PTPRK: variants seen among roughly 807,000 people sequenced by gnomAD.
PTPRK encodes the protein protein tyrosine phosphatase receptor type K, also known as receptor-type tyrosine-protein phosphatase kappa.
A neutral mutation model predicts 178.0 loss-of-function variants in PTPRK; 75 were observed. The ratio of observed to expected loss-of-function variants is 0.42; its 90% CI spans 0.35 to 0.51. PTPRK has a LOEUF of 0.51. Among genes scored for constraint, PTPRK ranks in the 20% least tolerant of loss-of-function variants. The pLI, the probability that PTPRK is intolerant of heterozygous loss-of-function variation, is 0.02. For missense variants in PTPRK, 1,441 were observed against 1,797.8 expected (o/e 0.80, Z 3.59); for synonymous variants, 637 against 620.6 (o/e 1.03, Z -0.39).
intron 1 of PTPRK, among the ~76,000 whole-genome samples, chr6:128,430,837 G>C (rs1421214700): frequency 2.0e-5 from 3 of 152,122 alleles, no homozygotes; most frequent in African/African-American, 7.2e-5. Context: ...GAGAAACCTG[G>C]AGACGTGAAC....
intron 11 of PTPRK, 125 bp from the exon 12 acceptor site, chr6:128,067,917 C>T (rs888948537): frequency 1.1e-6 from 1 of 926,134 alleles, no homozygotes; most frequent in Non-Finnish European, 1.5e-6. Context: ...TAAAGTTAGT[C>T]TTAACCTGGT....
At chr6:128,407,289 G>C (rs1334897278) in intron 1 of PTPRK, among the ~76,000 whole-genome samples, 1 of 152,120 alleles carries the variant, frequency 6.6e-6, no homozygotes, top group Non-Finnish European at 1.5e-5. Flanking sequence ...TGGTTCCTAA[G>C]AACAGTACAT....
At chr6:128,004,319 T>TA (rs1344047488) in intron 15 of PTPRK, among the ~76,000 whole-genome samples, 2 of 151,786 alleles carry the variant, frequency 1.3e-5, no homozygotes, top group Non-Finnish European at 2.9e-5. Context: ...TTAATTAACT[T>TA]AAACAGATGC....
intron 6 of PTPRK, among the ~76,000 whole-genome samples, chr6:128,207,816 T>C (rs1308260416): frequency 6.6e-6 from 1 of 152,130 alleles, no homozygotes; most frequent in Non-Finnish European, 1.5e-5. Context: ...CACCCATTTT[T>C]CCCCTTTTCA....
In PTPRK at chr6:127,984,852, G is replaced by GT. The variant is rs530387263; in HGVS notation, c.3251+868dup. Among the ~76,000 whole-genome samples the GT allele has an allele frequency of 3.6e-3, 550 of 152,058 alleles. 2 individuals carry two copies. Among genetic ancestry groups the GT allele is most frequent in the African/African-American group, 0.012 (484 of 41,500 alleles). The stretch of plus-strand genomic sequence containing the variant: ...ATTTCATGAGGAGGATTGAAAGGAA[G>GT]TTTTTTTTGTTTTCAGGGTACATAG... On this transcript the variant is annotated intron_variant, in intron 22 of 29. Transcript: ENST00000368226.
chr6:128,209,541 G>A lies in PTPRK; in HGVS notation c.868+9381C>T, dbSNP rs141139907. The stretch of plus-strand genomic sequence containing the variant: ...ACCATTAAAAGGCAGCCACGAGGCT[G>A]CCCTCCTCATTCTACACATTAAATT... On this transcript the variant is annotated intron_variant, in intron 6 of 29. Coordinates refer to ENST00000368226, the MANE Select transcript of PTPRK (RefSeq NM_002844.4). Among the ~76,000 whole-genome samples the A allele has an allele frequency of 1.1e-4, 16 of 151,710 alleles. No homozygotes were observed. The East Asian group carries it at 3.1e-3, about 30-fold the overall frequency.
At chr6:128,396,742 G>A in intron 2 of PTPRK, among the ~76,000 whole-genome samples, 1 of 152,174 alleles carries the variant, frequency 6.6e-6, no homozygotes, top group East Asian at 1.9e-4. Flanking sequence ...GCTCACGCTT[G>A]TAATCCCAGC....
At chr6:128,420,518 C>T (rs1228259794) in intron 1 of PTPRK, among the ~76,000 whole-genome samples, 8 of 152,120 alleles carry the variant, frequency 5.3e-5, no homozygotes, top group Non-Finnish European at 1.0e-4. Flanking sequence ...TGAGACTTTG[C>T]CATTGCCCTC....
chr6:128,380,859 T>TA (rs1837807743), intron 2 of PTPRK, among the ~76,000 whole-genome samples: 1 of 152,152 alleles, frequency 6.6e-6, no homozygotes, highest in Admixed American at 6.6e-5. Context: ...GAAAACAGGT[T>TA]AAAAAATTAC....
chr6:128,055,684 C>T (rs569874464), intron 13 of PTPRK, among the ~76,000 whole-genome samples: 1 of 152,246 alleles, frequency 6.6e-6, no homozygotes, highest in African/African-American at 2.4e-5. Flanking sequence ...ACTGCTGCCT[C>T]GAACTCCTGG....
At chr6:128,422,159 T>C (rs1221028736) in intron 1 of PTPRK, among the ~76,000 whole-genome samples, 1 of 152,268 alleles carries the variant, frequency 6.6e-6, no homozygotes, top group Non-Finnish European at 1.5e-5. Context: ...ATTTTTAGCA[T>C]GTTATTTTTG....
chr6:127,981,832 C>T (rs1037345859), intron 24 of PTPRK, among the ~76,000 whole-genome samples: 5 of 151,952 alleles, frequency 3.3e-5, no homozygotes, highest in Non-Finnish European at 7.4e-5. Context: ...ATTATTATTA[C>T]TATTATTATT....
Position 127,992,685 on chromosome 6 carries a change from T to C in PTPRK, c.2869A>G (p.Ile957Val), listed in dbSNP as rs1279088548. 1.3e-6 allele frequency: 2 copies of C among 1,586,376 alleles called. No homozygotes were observed. The highest frequency in any genetic ancestry group is 1.7e-6 in the Non-Finnish European group (2 of 1,168,478). ...IDGYQRPSHY[I>V]ATQGPVHETV... is the part of the protein sequence containing the mutation. ...GGCAAAGTTTTACCTTGGGTTGCAA[T>C]GTAATGACTTGGTCTCTGGTAGCCC... The change falls in exon 19 of 30, where the codon ATT (isoleucine) becomes GTT (valine). Residue 957 changes from isoleucine (I) to valine (V), a missense_variant. By Grantham distance (29) the Ile-to-Val change is conservative. Transcript: ENST00000368226.
chr6:128,135,055 C>T (rs554749861), intron 7 of PTPRK, among the ~76,000 whole-genome samples: 2 of 146,912 alleles, frequency 1.4e-5, no homozygotes, highest in Non-Finnish European at 3.0e-5. Flanking sequence ...ATCTTGTGAA[C>T]CAATTTAAAA....
chr6:128,032,969 C>T (rs1775597932), intron 13 of PTPRK, among the ~76,000 whole-genome samples: 1 of 152,076 alleles, frequency 6.6e-6, no homozygotes, highest in African/African-American at 2.4e-5. Context: ...GAGGTACACC[C>T]CAAGCCAGTT....
At chr6:128,401,894 C>CACAAATTAA (rs899036255) in intron 1 of PTPRK, among the ~76,000 whole-genome samples, 5 of 152,160 alleles carry the variant, frequency 3.3e-5, no homozygotes, top group Non-Finnish European at 7.3e-5. Flanking sequence ...TTAACCTTCT[C>CACAAATTAA]CAATTGTGAA....
intron 1 of PTPRK, among the ~76,000 whole-genome samples, chr6:128,410,219 C>T (rs1184761186): frequency 2.0e-5 from 3 of 152,094 alleles, no homozygotes; most frequent in South Asian, 2.1e-4. Context: ...GAAATGCATT[C>T]GGGTTATTTT....
intron 7 of PTPRK, among the ~76,000 whole-genome samples, chr6:128,144,435 A>C (rs953561877): frequency 6.6e-6 from 1 of 152,182 alleles, no homozygotes; most frequent in East Asian, 1.9e-4. Context: ...TGCCCATGGC[A>C]GGTCTAATGC....
intron 6 of PTPRK, among the ~76,000 whole-genome samples, chr6:128,211,290 C>T (rs1241858042): frequency 2.0e-5 from 3 of 152,054 alleles, no homozygotes; most frequent in Non-Finnish European, 4.4e-5. Context: ...ACAATATTTC[C>T]CTTTTTTTCT....
Sources: allele counts gnomAD v4.1 joint callset (sites outside exome capture counted in the v4.1 genomes callset), GRCh38; gene constraint gnomAD v4.1.1; transcripts MANE v1.5; gene names NCBI Gene and HGNC (gene_info 2026-07-23, HGNC 2026-07-21).